Variants in CFAP58 observed in about 807,000 individuals in gnomAD.
The protein encoded by CFAP58 is cilia- and flagella-associated protein 58.
Under a neutral mutation model 119.5 loss-of-function variants are expected in CFAP58, and 88 were observed. That is an observed-to-expected ratio of 0.74 (90% CI 0.62 to 0.88). CFAP58 has a LOEUF of 0.88. CFAP58 is among the 40% of genes least tolerant of loss of function. CFAP58 has a pLI of 0.00. For synonymous variants in CFAP58, 365 were observed against 366.3 expected (o/e 1.00, Z 0.04); for missense variants, 990 against 1,021.2 (o/e 0.97, Z 0.42).
chr10:104,358,408 T>C lies in CFAP58; in HGVS notation c.77T>C (p.Val26Ala), dbSNP rs761009802. ...GAAATGGAAAGAGATTTTCAGGGAG[T>C]TCTCCATGAACTTTCTGGAGACAAA... ...FEEMERDFQG[V>A]LHELSGDKSL... Residue 26 changes from valine (V) to alanine (A), a missense_variant, in exon 2 of 18, where the codon GTT (valine) becomes GCT (alanine). Coordinates refer to ENST00000369704, the MANE Select transcript of CFAP58 (RefSeq NM_001008723.2). The C allele has an allele frequency of 1.2e-6, 2 of 1,613,448 alleles. No individual in the cohort carries two copies. Among genetic ancestry groups the C allele is most frequent in the African/African-American group, 2.7e-5 (2 of 74,802 alleles).
intron 11 of CFAP58, 23 bp downstream of exon 11, chr10:104,393,498 A>G (rs762467083): frequency 6.2e-7 from 1 of 1,603,084 alleles, no homozygotes; most frequent in Non-Finnish European, 8.5e-7. Flanking sequence ...TAGTAAAAGC[A>G]AAGTACCAAC....
chr10:104,415,047 A>T (rs1028683249), intron 15 of CFAP58, among the ~76,000 whole-genome samples: 1 of 152,150 alleles, frequency 6.6e-6, no homozygotes, highest in African/African-American at 2.4e-5. Context: ...GGTCAATGAC[A>T]CAGACCTCGT....
intron 15 of CFAP58, among the ~76,000 whole-genome samples, chr10:104,411,338 T>C (rs189113966): frequency 6.6e-6 from 1 of 152,332 alleles, no homozygotes; most frequent in Admixed American, 6.5e-5. Context: ...CTGGTTTTTG[T>C]TGATAGTTTC....
At chr10:104,398,893 AATT>A (rs1421450809) in intron 11 of CFAP58, among the ~76,000 whole-genome samples, 4 of 152,134 alleles carry the variant, frequency 2.6e-5, no homozygotes, top group Admixed American at 2.0e-4. Flanking sequence ...TGACTAGTTT[AATT>A]TTGCTTACAA....
At chr10:104,407,893 CA>C (rs1218412122) in intron 15 of CFAP58, among the ~76,000 whole-genome samples, 1 of 152,128 alleles carries the variant, frequency 6.6e-6, no homozygotes, top group African/African-American at 2.4e-5. Context: ...GATGGGGTTT[CA>C]CCATGTTGGC....
intron 15 of CFAP58, among the ~76,000 whole-genome samples, chr10:104,439,920 C>T (rs909753307): frequency 6.6e-6 from 1 of 152,142 alleles, no homozygotes; most frequent in South Asian, 2.1e-4. Flanking sequence ...TCCGGGTTCA[C>T]GCCATTCTCC....
chr10:104,339,065 C>G, the CFAP58 span, among the ~76,000 whole-genome samples: 4 of 152,178 alleles, frequency 2.6e-5, no homozygotes. Context: ...TGTGCCACCA[C>G]GCCCGGCTAA....
At chr10:104,344,168 G>T in the CFAP58 span, among the ~76,000 whole-genome samples, 366 of 152,348 alleles carry the variant, frequency 2.4e-3, 3 homozygotes, top group African/African-American at 7.7e-3. Flanking sequence ...TCAGATGATT[G>T]CCATCCAACT....
intron 15 of CFAP58, among the ~76,000 whole-genome samples, chr10:104,425,463 A>G (rs1464757743): frequency 2.0e-5 from 3 of 152,198 alleles, no homozygotes; most frequent in Admixed American, 2.0e-4. Flanking sequence ...GGAGACAACT[A>G]TGCACTCTAA....
chr10:104,442,529 A>G (rs763654710), intron 15 of CFAP58, among the ~76,000 whole-genome samples: 4 of 151,496 alleles, frequency 2.6e-5, no homozygotes, highest in African/African-American at 9.7e-5. Context: ...TGGAGGTTGC[A>G]GTGAGCCGAG....
chr10:104,442,407 G>A (rs983019618), intron 15 of CFAP58, among the ~76,000 whole-genome samples: 1 of 152,016 alleles, frequency 6.6e-6, no homozygotes, highest in Non-Finnish European at 1.5e-5. Context: ...GACCAACATG[G>A]TGAAACCCCA....
At chr10:104,406,574 A>G (rs1440125568) in intron 14 of CFAP58, 115 bp from the exon 15 acceptor site, 14 of 764,030 alleles carry the variant, frequency 1.8e-5, no homozygotes, top group Non-Finnish European at 2.4e-5. Flanking sequence ...TTCTCTCTGT[A>G]TTAGGTCTGC....
intron 6 of CFAP58, 92 bp downstream of exon 6, chr10:104,368,652 T>A (rs1253796858): frequency 7.4e-7 from 1 of 1,355,826 alleles, no homozygotes; most frequent in Non-Finnish European, 1.0e-6. Context: ...AGAGCCTGTG[T>A]TGGCTCTACT....
At chr10:104,354,897 A>T (rs1259973102) in intron 1 of CFAP58, among the ~76,000 whole-genome samples, 2 of 150,162 alleles carry the variant, frequency 1.3e-5, no homozygotes, top group Admixed American at 1.3e-4. Flanking sequence ...ATCGTGCTCC[A>T]CCCCCTCCCC....
At chr10:104,430,893 T>G (rs147849234) in intron 15 of CFAP58, among the ~76,000 whole-genome samples, 2 of 152,220 alleles carry the variant, frequency 1.3e-5, no homozygotes, top group African/African-American at 4.8e-5. Flanking sequence ...TAATGTGATA[T>G]TTTATATTTT....
At chr10:104,370,724 A>G (rs571061402) in intron 6 of CFAP58, among the ~76,000 whole-genome samples, 171 bp from the exon 7 acceptor site, 31 of 152,332 alleles carry the variant, frequency 2.0e-4, no homozygotes, top group Non-Finnish European at 3.5e-4. Flanking sequence ...TTCAGTGGAC[A>G]GTTTTTCAAT....
intron 15 of CFAP58, among the ~76,000 whole-genome samples, chr10:104,445,912 G>A (rs1006775578): frequency 6.6e-6 from 1 of 152,156 alleles, no homozygotes; most frequent in Non-Finnish European, 1.5e-5. Flanking sequence ...GGAGTAAGAT[G>A]GTCTTTTCAG....
intron 15 of CFAP58, among the ~76,000 whole-genome samples, chr10:104,418,419 G>T (rs1041335465): frequency 1.3e-5 from 2 of 152,170 alleles, no homozygotes; most frequent in Non-Finnish European, 2.9e-5. Context: ...ATGTTGGCAG[G>T]TGCCTGTAGT....
intron 5 of CFAP58, among the ~76,000 whole-genome samples, chr10:104,366,455 C>T (rs1375090329): frequency 7.2e-5 from 11 of 152,198 alleles, no homozygotes; most frequent in Admixed American, 7.2e-4. Context: ...AGTTTGGTTT[C>T]GCCTGTCTTT....
Sources: gnomAD v4.1 joint callset for allele counts (sites outside exome capture counted in the v4.1 genomes callset) on GRCh38, gnomAD v4.1.1 for gene constraint, MANE v1.5 for transcripts, NCBI Gene and HGNC (gene_info 2026-07-23, HGNC 2026-07-21) for gene names.